The following SERPINI2 variants were observed in gnomAD, a reference collection of about 807,000 sequenced individuals.
SERPINI2 encodes the protein serpin I2.
In SERPINI2, 48 loss-of-function variants were observed where a neutral mutation model predicts 47.3. That is an observed-to-expected ratio of 1.02 (90% CI 0.81 to 1.29). The LOEUF (loss-of-function observed/expected upper bound fraction) is 1.29. SERPINI2 is among the 50% of genes most tolerant of loss of function. The pLI is 0.00. For synonymous variants in SERPINI2, 135 were observed against 149.3 expected (o/e 0.90, Z 0.70); for missense variants, 448 against 456.9 (o/e 0.98, Z 0.18).
At chr3:167,444,607 T>C (rs1398713161) in intron 8 of SERPINI2, among the ~76,000 whole-genome samples, 1 of 152,200 alleles carries the variant, frequency 6.6e-6, no homozygotes, top group East Asian at 1.9e-4. Flanking sequence ...AAATATGTAT[T>C]GTCTTAAGAT....
At chr3:167,452,512 C>G (rs1340342482) in intron 6 of SERPINI2, among the ~76,000 whole-genome samples, 1 of 152,210 alleles carries the variant, frequency 6.6e-6, no homozygotes, top group African/African-American at 2.4e-5. Context: ...CATCATCCAG[C>G]AGCTTATGGA....
intron 6 of SERPINI2, among the ~76,000 whole-genome samples, chr3:167,451,183 T>C (rs913802726): frequency 2.0e-5 from 3 of 151,144 alleles, no homozygotes; most frequent in Non-Finnish European, 4.4e-5. Context: ...ATTTCCCCAG[T>C]CACTATATTA....
chr3:167,454,714 C>G (rs1000148186), intron 5 of SERPINI2, among the ~76,000 whole-genome samples: 1 of 152,056 alleles, frequency 6.6e-6, no homozygotes, highest in Non-Finnish European at 1.5e-5. Context: ...TCCAATGAAA[C>G]CTACAGCAAT....
chr3:167,468,019 T>C (rs1249109098), intron 2 of SERPINI2, among the ~76,000 whole-genome samples: 4 of 152,218 alleles, frequency 2.6e-5, no homozygotes, highest in East Asian at 3.8e-4. Context: ...GGAAGCTATA[T>C]ATGCGTATGA....
At chr3:167,473,394 A>T (rs963664875) in intron 1 of SERPINI2, among the ~76,000 whole-genome samples, 1 of 151,642 alleles carries the variant, frequency 6.6e-6, no homozygotes, top group Admixed American at 6.6e-5. Context: ...GTGTATCATT[A>T]TCTTCTAATA....
chr3:167,463,927 G>C (rs1750056677), intron 5 of SERPINI2, among the ~76,000 whole-genome samples: 2 of 151,492 alleles, frequency 1.3e-5, no homozygotes, highest in Non-Finnish European at 2.9e-5. Flanking sequence ...TCTCGGTAAA[G>C]CCAGAGGTGA....
intron 5 of SERPINI2, among the ~76,000 whole-genome samples, chr3:167,454,597 A>G (rs924024181): frequency 6.6e-6 from 1 of 152,210 alleles, no homozygotes; most frequent in African/African-American, 2.4e-5. Context: ...TAATAGTCCA[A>G]TAATTTTAGG....
At chr3:167,468,335 G>A (rs562205816) in intron 2 of SERPINI2, among the ~76,000 whole-genome samples, 1 of 152,142 alleles carries the variant, frequency 6.6e-6, no homozygotes, top group Non-Finnish European at 1.5e-5. Flanking sequence ...ACCTAAGCTT[G>A]TGTAAATACA....
chr3:167,470,636 A>G (rs1750287062), intron 2 of SERPINI2, among the ~76,000 whole-genome samples: 2 of 137,642 alleles, frequency 1.5e-5, no homozygotes, highest in Admixed American at 1.7e-4. Flanking sequence ...ATCTCAGCTC[A>G]CTGCAACCTC....
chr3:167,470,550 CTTTTTTTTTTTTTT>C (rs536884425), intron 2 of SERPINI2, among the ~76,000 whole-genome samples: 10 of 93,048 alleles, frequency 1.1e-4, no homozygotes, highest in Non-Finnish European at 1.5e-4. Flanking sequence ...TGAGCAACAA[CTTTTTTTTTTTTTT>C]TTTTTTTTTT....
chr3:167,450,003 C>CAG (rs1318756127), intron 6 of SERPINI2, among the ~76,000 whole-genome samples: 2 of 152,174 alleles, frequency 1.3e-5, no homozygotes, highest in Admixed American at 1.3e-4. Context: ...TTTGAAGGGA[C>CAG]AGAGAGCTTT....
chr3:167,462,128 C>T (rs755356749), intron 5 of SERPINI2, among the ~76,000 whole-genome samples: 2 of 152,142 alleles, frequency 1.3e-5, no homozygotes, highest in African/African-American at 4.8e-5. Flanking sequence ...CTATTTGGTA[C>T]AAGAAATAGT....
intron 8 of SERPINI2, among the ~76,000 whole-genome samples, chr3:167,445,341 C>A (rs1327750687): frequency 6.6e-6 from 1 of 152,174 alleles, no homozygotes; most frequent in Non-Finnish European, 1.5e-5. Flanking sequence ...TATTCACTCC[C>A]TCATTCATAT....
intron 1 of SERPINI2, 77 bp downstream of exon 1, chr3:167,473,926 A>G: frequency 1.7e-6 from 2 of 1,178,572 alleles, no homozygotes; most frequent in Non-Finnish European, 2.1e-6. Flanking sequence ...ATGCCATTCC[A>G]TACTCTACTA....
At chr3:167,444,625 C>T (rs1188945495) in intron 8 of SERPINI2, among the ~76,000 whole-genome samples, 1 of 152,088 alleles carries the variant, frequency 6.6e-6, no homozygotes, top group African/African-American at 2.4e-5. Context: ...GATAACGGCC[C>T]TTTCTACATT....
Position 167,459,458 on chromosome 3 carries a change from A to C in SERPINI2, c.866+5748T>G, listed in dbSNP as rs576916390. Among the ~76,000 whole-genome samples, 3 of 152,276 alleles carry C rather than the reference A, an allele frequency of 2.0e-5. 1 individual carries two copies. The highest frequency in any genetic ancestry group is 7.2e-5 in the African/African-American group (3 of 41,544). On this transcript the variant is annotated intron_variant, in intron 5 of 8. Coordinates refer to ENST00000264677, the Ensembl canonical transcript of SERPINI2. ...AATATGATTATTTTAGCTAACATTC[A>C]ACTGCAGGATGATGTCCAAAATTAT...
At chr3:167,445,238 C>T (rs981770610) in intron 8 of SERPINI2, among the ~76,000 whole-genome samples, 10 of 152,170 alleles carry the variant, frequency 6.6e-5, no homozygotes, top group Non-Finnish European at 1.5e-4. Flanking sequence ...ATATCAGTAT[C>T]GCTAGTTCAT....
At chr3:167,465,215 C>T in exon 5 of SERPINI2, 1 of 1,608,546 alleles carries the variant, frequency 6.2e-7, no homozygotes, top group Non-Finnish European at 8.5e-7. Flanking sequence ...CCTAGGGAGG[C>T]TTATTTCTAC....
intron 7 of SERPINI2, 115 bp from the exon 8 acceptor site, chr3:167,446,596 T>A: frequency 3.3e-6 from 2 of 611,850 alleles, no homozygotes; most frequent in Non-Finnish European, 5.4e-6. Flanking sequence ...GGAGTTAACA[T>A]GTGGAAAAAT....
Sources: gnomAD v4.1 joint callset for allele counts (sites outside exome capture counted in the v4.1 genomes callset) on GRCh38, gnomAD v4.1.1 for gene constraint, MANE v1.5 for transcripts, NCBI Gene and HGNC (gene_info 2026-07-23, HGNC 2026-07-21) for gene names.